Variants in GOLGA1 observed in about 807,000 individuals in gnomAD.
The protein encoded by GOLGA1 is golgin subfamily A member 1.
Under a neutral mutation model 119.7 loss-of-function variants are expected in GOLGA1, and 63 were observed. The ratio of observed to expected loss-of-function variants is 0.53; its 90% CI spans 0.43 to 0.65. The LOEUF (loss-of-function observed/expected upper bound fraction) is 0.65, where lower values mean the gene tolerates loss of function less well. Among genes scored for constraint, GOLGA1 ranks in the 30% least tolerant of loss-of-function variants. GOLGA1 has a pLI of 0.00. For synonymous variants in GOLGA1, 318 were observed against 333.4 expected, an observed-to-expected ratio of 0.95 and a Z score of 0.50; for missense variants, 798 against 912.8, an observed-to-expected ratio of 0.87 and a Z score of 1.62.
intron 15 of GOLGA1, among the ~76,000 whole-genome samples, chr9:124,896,523 TTCCTAAAAAGTC>T (rs1829990201): frequency 6.6e-6 from 1 of 152,240 alleles, no homozygotes; most frequent in Admixed American, 6.5e-5. Context: ...CTGGCCTAGA[TTCCTAAAAAGTC>T]TCCTAAACAG....
intron 20 of GOLGA1, 116 bp from the exon 21 acceptor site, chr9:124,882,070 C>A: frequency 1.4e-6 from 1 of 731,530 alleles, no homozygotes; most frequent in East Asian, 2.7e-5. Context: ...AAAAGGGCCC[C>A]ACCTGGGAAG....
rs1564347833 is a variant in GOLGA1 at position 124,938,720 on chromosome 9, T to C, written c.-9A>G. On this transcript the variant is annotated 5_prime_UTR_variant, in exon 3 of 23. Coordinates refer to ENST00000373555, the MANE Select transcript of GOLGA1 (RefSeq NM_002077.4). ...TTCAGTTTTGCAAACATGTTTGCTG[T>C]GTGGCTATCCTGCACAGATGACGAG... 6.2e-7 allele frequency: 1 copy of C among 1,612,600 alleles called. No homozygotes were observed.
rs1442291590 is a variant in GOLGA1 at position 124,879,351 on chromosome 9, G to T, written c.*1179C>A. 1 of 152,036 alleles carries T rather than the reference G, an allele frequency of 6.6e-6. No individual in the cohort carries two copies. The highest frequency in any genetic ancestry group is 1.5e-5 in the Non-Finnish European group (1 of 68,004). The allele number at this position is 152,036 out of a possible 1,614,324, so 9.4% of individuals were successfully genotyped here. A position where few individuals can be genotyped will look rare whatever the true frequency, so the allele number is the denominator to read the frequency against. On this transcript the variant is annotated 3_prime_UTR_variant, in exon 23 of 23. Coordinates refer to ENST00000373555, the MANE Select transcript of GOLGA1 (RefSeq NM_002077.4). ...GGAATCCATAAAACAAGTTTTTGTT[G>T]GTTACTACCAGAGTCATGTGCATGC...
intron 7 of GOLGA1, among the ~76,000 whole-genome samples, chr9:124,925,620 T>C (rs1830658403): frequency 6.6e-6 from 1 of 151,956 alleles, no homozygotes; most frequent in South Asian, 2.1e-4. Flanking sequence ...TCAGGAAGTC[T>C]AGGTGGGAAA....
intron 19 of GOLGA1, among the ~76,000 whole-genome samples, chr9:124,883,469 C>T (rs1222739150): frequency 6.6e-6 from 1 of 151,648 alleles, no homozygotes; most frequent in African/African-American, 2.4e-5. Flanking sequence ...TTTTTTCAGA[C>T]AGAGTCTTGC....
intron 10 of GOLGA1, among the ~76,000 whole-genome samples, chr9:124,915,787 AAAAT>A (rs950244130): frequency 6.6e-6 from 1 of 151,812 alleles, no homozygotes; most frequent in Non-Finnish European, 1.5e-5. Flanking sequence ...CTCTGTCTCA[AAAAT>A]AAATAAATAG....
chr9:124,885,859 G>A (rs1829709387), intron 19 of GOLGA1, among the ~76,000 whole-genome samples: 1 of 152,182 alleles, frequency 6.6e-6, no homozygotes, highest in African/African-American at 2.4e-5. Flanking sequence ...AGAGGGCTAA[G>A]ACAAGAGTGC....
rs1435915114 is a variant in GOLGA1 at position 124,946,329 on chromosome 9, C to G, written c.-156+1589G>C. 6.6e-6 allele frequency: 1 copy of G among 152,062 alleles called. No individual in the cohort carries two copies. 9.4% of individuals were successfully genotyped at this position (152,062 alleles called of 1,614,324 possible). A position where few individuals can be genotyped will look rare whatever the true frequency, so the allele number is the denominator to read the frequency against. ...GAATTTAATACTATAATTGAAAAGTCTTATGAATAGTTGGCTGTTTTATTT... is the reference window on the plus strand; with the variant it reads ...GAATTTAATACTATAATTGAAAAGTGTTATGAATAGTTGGCTGTTTTATTT... On this transcript the variant is annotated intron_variant, in intron 1 of 4. Transcript: ENST00000421514. The surrounding 1 kb of genome is among the most constrained non-coding windows in gnomAD (Gnocchi z 4.0).
intron 17 of GOLGA1, 24 bp from the exon 18 acceptor site, chr9:124,889,327 G>A (rs369039748): frequency 1.7e-5 from 27 of 1,611,546 alleles, no homozygotes; most frequent in African/African-American, 4.0e-5. Context: ...GAGGGGAGGG[G>A]GCACTGTGAG....
At position 124,938,619 on chromosome 9, in the gene GOLGA1, C is replaced by G; in HGVS notation, c.93G>C (p.Lys31Asn). The stretch of plus-strand genomic sequence containing the variant: ...CAGCTCCCATTGAGGCAACTGATTC[C>G]TTGCTCACAGACCGTGGGATCCTAG... ...GATRIPRSVS[K>N]ESVASMGADS... Residue 31 changes from lysine to asparagine, a missense_variant, in exon 3 of 23, where the codon AAG (lysine) becomes AAC (asparagine). Physicochemically the swap from Lys to Asn is moderately conservative, Grantham distance 94. Transcript: ENST00000373555. The G allele has an allele frequency of 6.2e-7, 1 of 1,613,494 alleles. No homozygotes were observed. Among genetic ancestry groups the G allele is most frequent in the Non-Finnish European group, 8.5e-7 (1 of 1,179,484 alleles).
intron 12 of GOLGA1, among the ~76,000 whole-genome samples, chr9:124,902,046 T>G (rs1396239950): frequency 6.6e-6 from 1 of 152,218 alleles, no homozygotes; most frequent in Non-Finnish European, 1.5e-5. Context: ...TCAAGCTACA[T>G]CTATGAATTT....
chr9:124,900,396 G>C (rs1376101608), intron 13 of GOLGA1, 56 bp downstream of exon 13: 1 of 898,900 alleles, frequency 1.1e-6, no homozygotes. Context: ...CATCTGCAAA[G>C]GCCTGGAGAG....
intron 7 of GOLGA1, among the ~76,000 whole-genome samples, chr9:124,925,471 C>T (rs1026387513): frequency 2.0e-5 from 3 of 151,478 alleles, no homozygotes; most frequent in Admixed American, 6.6e-5. Context: ...AATCCTAGCA[C>T]TTTGGGAGGC....
At position 124,879,563 on chromosome 9, in the gene GOLGA1, C is replaced by G. The variant is rs1410089132; in HGVS notation, c.*967G>C. 1 of 151,608 alleles carries G rather than the reference C, an allele frequency of 6.6e-6. No individual in the cohort carries two copies. The highest frequency in any genetic ancestry group is 1.5e-5 in the Non-Finnish European group (1 of 67,944). 9.4% of individuals were successfully genotyped at this position (151,608 alleles called of 1,614,324 possible). On this transcript the variant is annotated 3_prime_UTR_variant, in exon 23 of 23. Transcript: ENST00000373555. ...TGTCCTTCAGTAGAAGACAGGTGGT[C>G]TGCATCGCCCAGCGGCAGCGCAGCA... is the stretch of plus-strand genomic sequence containing the variant.
intron 12 of GOLGA1, among the ~76,000 whole-genome samples, chr9:124,903,511 T>C (rs971012352): frequency 6.6e-6 from 1 of 151,250 alleles, no homozygotes; most frequent in Non-Finnish European, 1.5e-5. Context: ...CCTCCCTAAG[T>C]ACTGGGCTTA....
At position 124,881,356 on chromosome 9, in the gene GOLGA1, A is replaced by G; in HGVS notation, c.2137-99T>C. The G allele has an allele frequency of 1.3e-6, 1 of 768,114 alleles. No individual in the cohort carries two copies. Among genetic ancestry groups the G allele is most frequent in the Non-Finnish European group, 2.4e-6 (1 of 416,010 alleles). 47.6% of individuals were successfully genotyped at this position (768,114 alleles called of 1,614,324 possible). On this transcript the variant is annotated intron_variant, in intron 21 of 22. Transcript: ENST00000373555. The surrounding 1 kb of genome is among the most constrained non-coding windows in gnomAD (Gnocchi z 4.9). ...GCATTTCCTGCTTGCTTTGGTTAGCAGGACCAGGTGGTGGGTGACGCTCTG... is the reference window on the plus strand; with the variant it reads ...GCATTTCCTGCTTGCTTTGGTTAGCGGGACCAGGTGGTGGGTGACGCTCTG...
In GOLGA1 at chr9:124,899,307, CCT is replaced by C. The variant is rs1442391862; in HGVS notation, c.1311+20_1311+21del. ...GGGACCCTGGTGCTCCTGGGCCCAC[CCT>C]CTCTTAGCTCTTCACTCACCATCCC... On this transcript the variant is annotated intron_variant, in intron 14 of 22. Transcript: ENST00000373555. 4 of 1,527,328 alleles carry C rather than the reference CCT, an allele frequency of 2.6e-6. No homozygotes were observed. Among genetic ancestry groups the C allele is most frequent in the Admixed American group, 4.0e-5 (2 of 50,092 alleles). The allele number at this position is 1,527,328 out of a possible 1,614,324, so 94.6% of individuals were successfully genotyped here.
rs1185537732 is a variant in GOLGA1, at chr9:124,879,637, A to G, written c.*893T>C. The stretch of plus-strand genomic sequence containing the variant: ...GATCCCACTGCACTTCAGAGGGAGC[A>G]GTGCCAGAGTGCGAGTGAGAAGACA... On this transcript the variant is annotated 3_prime_UTR_variant, in exon 23 of 23. Coordinates refer to ENST00000373555, the MANE Select transcript of GOLGA1 (RefSeq NM_002077.4). 2.0e-5 allele frequency: 3 copies of G among 151,350 alleles called. No homozygotes were observed. The highest frequency in any genetic ancestry group is 2.1e-4 in the South Asian group (1 of 4,786). The allele number at this position is 151,350 out of a possible 1,614,324, so 9.4% of individuals were successfully genotyped here. A position where few individuals can be genotyped will look rare whatever the true frequency, so the allele number is the denominator to read the frequency against.
At chr9:124,923,268 G>C (rs1484786387) in intron 7 of GOLGA1, 45 bp from the exon 8 acceptor site, 1 of 1,487,494 alleles carries the variant, frequency 6.7e-7, no homozygotes, top group African/African-American at 1.4e-5. Flanking sequence ...GAAAGCATTA[G>C]AAATCTGTAT....
Sources: allele counts gnomAD v4.1 joint callset (sites outside exome capture counted in the v4.1 genomes callset), GRCh38; gene constraint gnomAD v4.1.1; non-coding constraint Gnocchi (gnomAD v3.1); transcripts MANE v1.5; gene names NCBI Gene and HGNC (gene_info 2026-07-23, HGNC 2026-07-21).